AUTS2: variants seen among roughly 807,000 people sequenced by gnomAD.
The protein encoded by AUTS2 is autism susceptibility gene 2 protein.
Under a neutral mutation model 112.4 loss-of-function variants are expected in AUTS2, and 17 were observed. The observed-to-expected ratio is 0.15, with a 90% CI of 0.10 to 0.23. The LOEUF (loss-of-function observed/expected upper bound fraction) is 0.23, where lower values mean the gene tolerates loss of function less well. Ranked by LOEUF, AUTS2 falls within the 10% of genes least tolerant of loss-of-function variation. The pLI, the probability that AUTS2 is intolerant of heterozygous loss-of-function variation, is 1.00. For missense variants in AUTS2, 1,510 were observed against 1,701.6 expected, an observed-to-expected ratio of 0.89 and a Z score of 1.98; for synonymous variants, 751 against 702.7, an observed-to-expected ratio of 1.07 and a Z score of -1.09.
chr7:70,765,993 C>T, intron 8 of AUTS2, 121 bp from the exon 9 acceptor site: 3 of 1,471,526 alleles, frequency 2.0e-6, no homozygotes, highest in Non-Finnish European at 2.7e-6. Context: ...ATCTCAGGGC[C>T]CAGCCACACC....
chr7:69,928,874 T>G (rs975792775), intron 2 of AUTS2, among the ~76,000 whole-genome samples: 1 of 152,204 alleles, frequency 6.6e-6, no homozygotes, highest in African/African-American at 2.4e-5. Flanking sequence ...TGGTTCTAAG[T>G]GAACAGGCCT....
chr7:70,456,499 T>C (rs1462826372), intron 5 of AUTS2, among the ~76,000 whole-genome samples: 2 of 152,174 alleles, frequency 1.3e-5, no homozygotes, highest in African/African-American at 4.8e-5. Flanking sequence ...GAGACACCAA[T>C]ATCAGCGAGA....
chr7:70,420,262 G>C (rs1795163365), intron 4 of AUTS2, among the ~76,000 whole-genome samples: 1 of 152,140 alleles, frequency 6.6e-6, no homozygotes, highest in South Asian at 2.1e-4. Context: ...TGGGTTTTTT[G>C]CTCTGAAAGT....
chr7:70,423,123 G>T (rs1795293939), intron 4 of AUTS2, among the ~76,000 whole-genome samples: 1 of 152,158 alleles, frequency 6.6e-6, no homozygotes, highest in African/African-American at 2.4e-5. Flanking sequence ...ATGGAAGAAG[G>T]AACAGTCATT....
rs28688103 is a variant in AUTS2, at chr7:70,037,343, A to G, written c.523-80789A>G. On this transcript the variant is annotated intron_variant, in intron 2 of 18. Coordinates refer to ENST00000342771, the MANE Select transcript of AUTS2 (RefSeq NM_015570.4). ...AACATGAGGACTATAGTGAATCACA[A>G]TGTACTGTATTCAGGATTTTTGCTG... Among the ~76,000 whole-genome samples the G allele has an allele frequency of 2.3e-3, 351 of 152,304 alleles. 1 individual carries two copies. Among genetic ancestry groups the G allele is most frequent in the African/African-American group, 8.2e-3 (339 of 41,578 alleles).
intron 1 of AUTS2, among the ~76,000 whole-genome samples, chr7:69,711,380 A>AG (rs11463102): frequency 0.71 from 108,187 of 151,968 alleles, 38,568 homozygotes; most frequent in East Asian, 0.78. Flanking sequence ...AATAGTAGAA[A>AG]GTTGGGTCTT....
chr7:69,677,866 T>C (rs181360029), intron 1 of AUTS2, among the ~76,000 whole-genome samples: 1 of 152,300 alleles, frequency 6.6e-6, no homozygotes, highest in Admixed American at 6.5e-5. Flanking sequence ...GCTTTGAGCC[T>C]AAATGGTGGT....
At position 69,876,182 on chromosome 7, in the gene AUTS2, C is replaced by T. The variant is rs562879671; in HGVS notation, c.310-23104C>T. Among the ~76,000 whole-genome samples, 105 of 150,174 alleles carry T rather than the reference C, an allele frequency of 7.0e-4. 1 individual carries two copies. Among genetic ancestry groups the T allele is most frequent in the Admixed American group, 3.1e-3 (46 of 15,016 alleles). On this transcript the variant is annotated intron_variant, in intron 1 of 18. Coordinates refer to ENST00000342771, the MANE Select transcript of AUTS2 (RefSeq NM_015570.4). ...GAGATCGAGACCATCCTAACGAACA[C>T]GGTGAAACCCCGTCTCTACTAAAAA... is the stretch of plus-strand genomic sequence containing the variant.
At chr7:70,480,232 T>G (rs760072124) in intron 5 of AUTS2, among the ~76,000 whole-genome samples, 2 of 152,216 alleles carry the variant, frequency 1.3e-5, no homozygotes, top group Non-Finnish European at 2.9e-5. Flanking sequence ...GCACATGCAC[T>G]TAGGACAACT....
intron 5 of AUTS2, among the ~76,000 whole-genome samples, chr7:70,594,607 G>A (rs1225923249): frequency 2.0e-5 from 3 of 152,224 alleles, no homozygotes; most frequent in Admixed American, 2.0e-4. Context: ...GCAGCTCTCA[G>A]CTCTCCTGGC....
At chr7:69,637,828 C>T (rs968150383) in intron 1 of AUTS2, among the ~76,000 whole-genome samples, 3 of 152,208 alleles carry the variant, frequency 2.0e-5, no homozygotes, top group South Asian at 2.1e-4. Context: ...TGTTATACCT[C>T]GTGTATGTGG....
At chr7:70,348,971 T>G (rs534053335) in intron 4 of AUTS2, among the ~76,000 whole-genome samples, 8 of 152,318 alleles carry the variant, frequency 5.3e-5, no homozygotes, top group African/African-American at 1.9e-4. Context: ...ATATTAGTCT[T>G]AAGAACTTTT....
At chr7:70,750,331 T>C (rs1788724224) in intron 6 of AUTS2, among the ~76,000 whole-genome samples, 1 of 66,164 alleles carries the variant, frequency 1.5e-5, no homozygotes, top group Non-Finnish European at 2.4e-5. Flanking sequence ...ATGGAAAGTC[T>C]TTTTTTTTTT....
intron 5 of AUTS2, among the ~76,000 whole-genome samples, chr7:70,584,635 C>T (rs1802601340): frequency 6.6e-6 from 1 of 152,256 alleles, no homozygotes; most frequent in Admixed American, 6.5e-5. Context: ...CTTGAGCCAG[C>T]CCTGGGGGCA....
At chr7:70,059,225 G>A (rs1237238438) in intron 2 of AUTS2, among the ~76,000 whole-genome samples, 2 of 152,076 alleles carry the variant, frequency 1.3e-5, no homozygotes, top group East Asian at 1.9e-4. Flanking sequence ...TTTCGCCTTC[G>A]CAAGAATGTC....
chr7:69,765,073 T>C lies in AUTS2; in HGVS notation c.310-134213T>C, dbSNP rs374458623. Reference sequence around the variant, plus strand: ...ATCTTGATAATTTAAGGACATGCTCTTATCTCTTGATCTGCTGCATTTTGT... The same window carrying C: ...ATCTTGATAATTTAAGGACATGCTCCTATCTCTTGATCTGCTGCATTTTGT... On this transcript the variant is annotated intron_variant, in intron 1 of 18. Coordinates refer to ENST00000342771, the MANE Select transcript of AUTS2 (RefSeq NM_015570.4). Among the ~76,000 whole-genome samples, 9 of 152,362 alleles carry C rather than the reference T, an allele frequency of 5.9e-5. No individual in the cohort carries two copies. The South Asian group carries it at 1.9e-3, about 32-fold the overall frequency.
At chr7:69,868,570 A>G (rs985058735) in intron 1 of AUTS2, among the ~76,000 whole-genome samples, 3 of 152,212 alleles carry the variant, frequency 2.0e-5, no homozygotes, top group African/African-American at 2.4e-5. Context: ...CTCAGACCAC[A>G]TAAGTAAGTC....
At chr7:70,183,002 G>C (rs1027465746) in intron 4 of AUTS2, among the ~76,000 whole-genome samples, 3 of 152,184 alleles carry the variant, frequency 2.0e-5, no homozygotes, top group African/African-American at 7.2e-5. Context: ...CGAGTCCACT[G>C]TGTCCGCGTT....
At chr7:70,678,226 A>G (rs1018169314) in intron 5 of AUTS2, among the ~76,000 whole-genome samples, 1 of 152,148 alleles carries the variant, frequency 6.6e-6, no homozygotes, top group Non-Finnish European at 1.5e-5. Context: ...CATAGTTCAT[A>G]CTTAGTAAAA....
Sources: allele counts gnomAD v4.1 joint callset (sites outside exome capture counted in the v4.1 genomes callset), GRCh38; gene constraint gnomAD v4.1.1; transcripts MANE v1.5; gene names NCBI Gene and HGNC (gene_info 2026-07-23, HGNC 2026-07-21).